Variants in LAMA3 observed in about 807,000 individuals in gnomAD.
The protein encoded by LAMA3 is laminin subunit alpha 3, also known as laminin subunit alpha-3.
A neutral mutation model predicts 402.0 loss-of-function variants in LAMA3; 281 were observed. The ratio of observed to expected loss-of-function variants is 0.70; its 90% CI spans 0.63 to 0.77. The LOEUF (loss-of-function observed/expected upper bound fraction) is 0.77. Among genes scored for constraint, LAMA3 ranks in the 30% least tolerant of loss-of-function variants. The pLI is 0.00. For synonymous variants in LAMA3, 1,431 were observed against 1,558.4 expected, an observed-to-expected ratio of 0.92 and a Z score of 1.93; for missense variants, 3,840 against 4,215.5, an observed-to-expected ratio of 0.91 and a Z score of 2.47.
chr18:23,824,895 G>A (rs568668570), intron 21 of LAMA3, among the ~76,000 whole-genome samples: 4 of 152,314 alleles, frequency 2.6e-5, no homozygotes, highest in Non-Finnish European at 4.4e-5. Flanking sequence ...TCCAAAGCTT[G>A]TATGGGATTT....
chr18:23,953,177 G>C, intron 74 of LAMA3, 68 bp downstream of exon 74: 1 of 1,598,062 alleles, frequency 6.3e-7, no homozygotes, highest in Admixed American at 1.7e-5. Context: ...TTCTTAATTA[G>C]TGGCAGGGCA....
chr18:23,856,386 G>A (rs28668971), intron 32 of LAMA3, among the ~76,000 whole-genome samples: 23,812 of 152,152 alleles, frequency 0.16, 4,170 homozygotes, highest in African/African-American at 0.42. Flanking sequence ...GAACAATAAA[G>A]TGTTATTGCC....
At chr18:23,944,001 A>G in intron 69 of LAMA3, 30 bp downstream of exon 69, 1 of 1,604,798 alleles carries the variant, frequency 6.2e-7, no homozygotes, top group South Asian at 1.1e-5. Context: ...CAGTATCTCC[A>G]GTTGGTGTGG....
chr18:23,730,214 C>T (rs1335206384), intron 2 of LAMA3, among the ~76,000 whole-genome samples: 4 of 152,118 alleles, frequency 2.6e-5, no homozygotes, highest in Non-Finnish European at 5.9e-5. Flanking sequence ...TGTGTGCAAA[C>T]CTCATTACAG....
intron 70 of LAMA3, among the ~76,000 whole-genome samples, chr18:23,947,779 A>C (rs2082757343): frequency 6.6e-6 from 1 of 151,198 alleles, no homozygotes; most frequent in Admixed American, 6.6e-5. Context: ...CTCATTGTTA[A>C]TGTTTACTTT....
intron 42 of LAMA3, 60 bp downstream of exon 42, chr18:23,890,177 C>A: frequency 9.0e-7 from 1 of 1,108,532 alleles, no homozygotes; most frequent in Non-Finnish European, 1.4e-6. Context: ...ACTTAACAGC[C>A]TAAGAACCCA....
At chr18:23,915,468 T>C (rs775032547) in intron 59 of LAMA3, 46 bp downstream of exon 59, 2 of 1,562,066 alleles carry the variant, frequency 1.3e-6, no homozygotes, top group Admixed American at 3.3e-5. Context: ...GGAGTTTTGG[T>C]AACTTGCAGT....
At chr18:23,842,330 C>G in intron 27 of LAMA3, 65 bp from the exon 28 acceptor site, 1 of 1,576,686 alleles carries the variant, frequency 6.3e-7, no homozygotes, top group East Asian at 2.2e-5. Flanking sequence ...TCTATGATTC[C>G]AGTTATTCAT....
intron 32 of LAMA3, among the ~76,000 whole-genome samples, chr18:23,853,223 G>A (rs2063985464): frequency 6.6e-6 from 1 of 152,136 alleles, no homozygotes; most frequent in South Asian, 2.1e-4. Flanking sequence ...TTGGGCTCTA[G>A]GTTAAAACTG....
intron 62 of LAMA3, among the ~76,000 whole-genome samples, chr18:23,926,750 T>G (rs2082013555): frequency 6.6e-6 from 1 of 152,246 alleles, no homozygotes; most frequent in Non-Finnish European, 1.5e-5. Context: ...TTATGTGCAT[T>G]CAGCTCCAGA....
At chr18:23,713,107 A>G (rs1004061815) in intron 1 of LAMA3, among the ~76,000 whole-genome samples, 4 of 152,224 alleles carry the variant, frequency 2.6e-5, no homozygotes, top group African/African-American at 9.6e-5. Flanking sequence ...TAGAGATTAT[A>G]ATACCAAACA....
chr18:23,842,281 T>C (rs1158870781), intron 27 of LAMA3, 114 bp from the exon 28 acceptor site: 1 of 1,330,318 alleles, frequency 7.5e-7, no homozygotes, highest in African/African-American at 1.4e-5. Flanking sequence ...TTCACTTTGG[T>C]AAATACTTAG....
At chr18:23,707,039 T>C (rs1260315977) in intron 1 of LAMA3, among the ~76,000 whole-genome samples, 3 of 152,170 alleles carry the variant, frequency 2.0e-5, no homozygotes, top group Admixed American at 1.3e-4. Flanking sequence ...GATCGCACCA[T>C]TGCACTCCAG....
intron 2 of LAMA3, among the ~76,000 whole-genome samples, chr18:23,740,761 G>T (rs945950213): frequency 1.3e-5 from 2 of 152,138 alleles, no homozygotes; most frequent in Admixed American, 6.5e-5. Flanking sequence ...ACCTGTAATG[G>T]CCAGAACTTG....
chr18:23,851,517 G>T (rs1312296778), intron 32 of LAMA3, among the ~76,000 whole-genome samples: 1 of 152,190 alleles, frequency 6.6e-6, no homozygotes, highest in African/African-American at 2.4e-5. Flanking sequence ...CCTTTAGAGG[G>T]TTAAATATCC....
At chr18:23,933,525 C>A (rs1465082746) in intron 66 of LAMA3, among the ~76,000 whole-genome samples, 1 of 152,210 alleles carries the variant, frequency 6.6e-6, no homozygotes, top group Non-Finnish European at 1.5e-5. Context: ...TTCATCATTT[C>A]TTTGTGTTGG....
intron 4 of LAMA3, among the ~76,000 whole-genome samples, chr18:23,750,202 A>C (rs1265969925): frequency 3.9e-5 from 6 of 152,232 alleles, no homozygotes; most frequent in Non-Finnish European, 8.8e-5. Flanking sequence ...AACAAAGGTG[A>C]AACAATCAGA....
Position 23,926,164 on chromosome 18 carries a change from TTAAAA to T in LAMA3, c.8178-1945_8178-1941del, listed in dbSNP as rs199533036. Among the ~76,000 whole-genome samples the T allele has an allele frequency of 7.1e-3, 1,080 of 152,298 alleles. 10 individuals are homozygous for T. The highest frequency in any genetic ancestry group is 0.017 in the Middle Eastern group (5 of 294). Reference sequence around the variant, plus strand: ...CCTTCCTGCACATGTATCCTAGAACTTAAAATAAAATAAAATAATATAAAAGAGAA... The same window carrying T: ...CCTTCCTGCACATGTATCCTAGAACTTAAAATAAAATAATATAAAAGAGAA... On this transcript the variant is annotated intron_variant, in intron 62 of 74. Coordinates refer to ENST00000313654, the MANE Select transcript of LAMA3 (RefSeq NM_198129.4).
intron 37 of LAMA3, among the ~76,000 whole-genome samples, chr18:23,870,351 A>G (rs948927884): frequency 1.3e-5 from 2 of 151,940 alleles, no homozygotes; most frequent in African/African-American, 4.8e-5. Flanking sequence ...TGTTGACAAG[A>G]GTGTGGTGAA....
Sources: allele counts gnomAD v4.1 joint callset (sites outside exome capture counted in the v4.1 genomes callset), GRCh38; gene constraint gnomAD v4.1.1; transcripts MANE v1.5; gene names NCBI Gene and HGNC (gene_info 2026-07-23, HGNC 2026-07-21).